Variants in SMIM22 observed in about 807,000 individuals in gnomAD.
SMIM22 encodes small integral membrane protein 22, also known as cancer associated small integral membrane open reading frame 1.
SMIM22 carries 16 observed loss-of-function variants against 8.4 expected under a neutral mutation model. The ratio of observed to expected loss-of-function variants is 1.90; its 90% confidence interval spans 1.29 to 2.89. SMIM22 has a LOEUF of 2.89. SMIM22 is among the 30% of genes most tolerant of loss of function. The pLI, the probability that SMIM22 is intolerant of heterozygous loss-of-function variation, is 0.00. For synonymous variants in SMIM22, 67 were observed against 47.6 expected (o/e 1.41, Z -1.68); for missense variants, 159 against 107.5 (o/e 1.48, Z -2.12).
upstream of SMIM22, among the ~76,000 whole-genome samples, chr16:4,794,498 A>C (rs2082601905): frequency 7.0e-6 from 1 of 143,378 alleles, no homozygotes; most frequent in Non-Finnish European, 1.5e-5. Flanking sequence ...TCGGCTCACC[A>C]CAACCTCTGC....
chr16:4,795,458 G>A lies in SMIM22; in HGVS notation c.-21+9G>A, dbSNP rs558517836. On this transcript the variant is annotated intron_variant, in intron 1 of 3. Transcript: ENST00000586005. ...TTGGAGGCTTCTAGGAGGTAGGTGGGGGCCTGGGGGCTGGGCTGCCAGGGG... is the reference window on the plus strand; with the variant it reads ...TTGGAGGCTTCTAGGAGGTAGGTGGAGGCCTGGGGGCTGGGCTGCCAGGGG... 3 of 477,836 alleles carry A rather than the reference G, an allele frequency of 6.3e-6. No homozygotes were observed. The South Asian group carries it at 7.0e-5, about 11-fold the overall frequency. The allele number at this position is 477,836 out of a possible 1,614,324, so 29.6% of individuals were successfully genotyped here. A position where few individuals can be genotyped will look rare whatever the true frequency, so the allele number is the denominator to read the frequency against.
rs768538006 is a variant in SMIM22 at position 4,795,788 on chromosome 16, A to G, written c.54A>G (p.Arg18=). The G allele has an allele frequency of 3.3e-6, 5 of 1,535,812 alleles. No homozygotes were observed. Among genetic ancestry groups the G allele is most frequent in the East Asian group, 2.4e-5 (1 of 40,912 alleles). ...CCACGGTTCAGGAAGTCCTGGGGAG[A>G]CTGAAGAGCCACCAGTTTTTCCAGT... ...LEATVQEVLG[R]LKSHQFFQST... is the part of the protein sequence containing the mutation. Residue 18 remains arginine, a synonymous_variant, in exon 2 of 4, where the codon AGA becomes AGG. Transcript: ENST00000586005.
Position 4,795,858 on chromosome 16 carries a change from G to C in SMIM22, c.124G>C (p.Gly42Arg). Residue 42 changes from glycine to arginine, a missense_variant and splice_region_variant, in exon 2 of 4, where the codon GGC becomes CGC. Coordinates refer to ENST00000586005, the MANE Select transcript of SMIM22 (RefSeq NM_001253794.2). ...VAFIVFLTFMGTVLLLLLLVV... is the reference protein window; with the variant it reads ...VAFIVFLTFMRTVLLLLLLVV... ...CTTCATTGTTTTCCTCACCTTCATG[G>C]GTAAGTGTGGCTGTGGCCTCTGGGT... 1 of 1,535,860 alleles carries C rather than the reference G, an allele frequency of 6.5e-7. No homozygotes were observed. The highest frequency in any genetic ancestry group is 8.7e-7 in the Non-Finnish European group (1 of 1,146,732).
upstream of SMIM22, among the ~76,000 whole-genome samples, chr16:4,792,158 A>G (rs1032540481): frequency 3.3e-5 from 5 of 152,092 alleles, no homozygotes; most frequent in Non-Finnish European, 7.4e-5. Context: ...CAGCCAGGCC[A>G]AGAGCTGGAG....
At chr16:4,788,612 G>A (rs528126272) in intron 1 of SMIM22, 10 of 152,290 alleles carry the variant, frequency 6.6e-5, no homozygotes, top group African/African-American at 2.2e-4. Flanking sequence ...GCTGGCTAGC[G>A]GGATATCCGT....
At chr16:4,794,307 C>T (rs1453105128), upstream of SMIM22, among the ~76,000 whole-genome samples, 2 of 151,930 alleles carry the variant, frequency 1.3e-5, no homozygotes, top group Non-Finnish European at 2.9e-5. Context: ...TGGGGTTTTA[C>T]CGTGTTACCC....
upstream of SMIM22, among the ~76,000 whole-genome samples, chr16:4,790,774 G>C (rs2082539166): frequency 6.6e-6 from 1 of 152,202 alleles, no homozygotes; most frequent in Non-Finnish European, 1.5e-5. Flanking sequence ...GGGCGACAGA[G>C]TAAGACCCTA....
upstream of SMIM22, among the ~76,000 whole-genome samples, chr16:4,793,608 T>G (rs561588668): frequency 1.3e-5 from 2 of 152,314 alleles, no homozygotes; most frequent in African/African-American, 4.8e-5. Flanking sequence ...CTAGTACAGC[T>G]GGCCTTCCGT....
chr16:4,790,768 G>A (rs1342861624), upstream of SMIM22, among the ~76,000 whole-genome samples: 1 of 152,154 alleles, frequency 6.6e-6, no homozygotes, highest in Non-Finnish European at 1.5e-5. Flanking sequence ...CAGCCTGGGC[G>A]ACAGAGTAAG....
At position 4,795,711 on chromosome 16, in the gene SMIM22, G is replaced by A. The variant is rs565631450; in HGVS notation, c.-20-4G>A. Reference sequence around the variant, plus strand: ...CTGATGCAGCCTCTGGGGGACCGGGGCAGGTGGCACGGTGCACGCCAAGAT... The same window carrying A: ...CTGATGCAGCCTCTGGGGGACCGGGACAGGTGGCACGGTGCACGCCAAGAT... On this transcript the variant is annotated splice_polypyrimidine_tract_variant and splice_region_variant and intron_variant, in intron 1 of 3. Coordinates refer to ENST00000586005, the MANE Select transcript of SMIM22 (RefSeq NM_001253794.2). 8.5e-5 allele frequency: 130 copies of A among 1,534,380 alleles called. 1 individual carries two copies. In the Middle Eastern group the frequency reaches 2.3e-3, roughly 27 times the overall value.
chr16:4,791,754 C>T (rs1433957333), upstream of SMIM22, among the ~76,000 whole-genome samples: 1 of 152,150 alleles, frequency 6.6e-6, no homozygotes, highest in African/African-American at 2.4e-5. Context: ...GTGGCGAGAT[C>T]TTGGCTCCCT....
At chr16:4,795,576 G>C (rs2082623656) in intron 1 of SMIM22, 127 bp downstream of exon 1, 4 of 1,074,450 alleles carry the variant, frequency 3.7e-6, no homozygotes, top group Non-Finnish European at 5.2e-6. Context: ...CTGGGGCCGA[G>C]GGAGAAGTGG....
Position 4,795,935 on chromosome 16 carries a change from G to A in SMIM22, c.125-13G>A. On this transcript the variant is annotated splice_polypyrimidine_tract_variant and intron_variant, in intron 2 of 3. Transcript: ENST00000586005. ...AGGTTGGGGCCACACCTGGACGCCT[G>A]TCCTGTCCCCAGGCACCGTGCTGCT... 1.3e-6 allele frequency: 2 copies of A among 1,518,576 alleles called. No individual in the cohort carries two copies. 94.1% of individuals were successfully genotyped at this position (1,518,576 alleles called of 1,614,324 possible).
chr16:4,789,613 C>A (rs1173788105), intron 2 of SMIM22, among the ~76,000 whole-genome samples: 1 of 152,074 alleles, frequency 6.6e-6, no homozygotes, highest in Non-Finnish European at 1.5e-5. Flanking sequence ...GGCGTTAGCC[C>A]CTGCGCCCAG....
intron 2 of SMIM22, among the ~76,000 whole-genome samples, chr16:4,789,419 G>C (rs1242216936): frequency 6.6e-6 from 1 of 151,560 alleles, no homozygotes; most frequent in Admixed American, 6.6e-5. Flanking sequence ...TCTGCCTCCC[G>C]GGTTCACGCC....
rs2082628044 is a variant in SMIM22, at chr16:4,795,718, G to A, written c.-17G>A. On this transcript the variant is annotated 5_prime_UTR_variant, in exon 2 of 4. Coordinates refer to ENST00000586005, the MANE Select transcript of SMIM22 (RefSeq NM_001253794.2). ...AGCCTCTGGGGGACCGGGGCAGGTG[G>A]CACGGTGCACGCCAAGATGGCTGTG... The A allele has an allele frequency of 6.5e-7, 1 of 1,534,802 alleles. No individual in the cohort carries two copies. The highest frequency in any genetic ancestry group is 8.7e-7 in the Non-Finnish European group (1 of 1,146,498).
Position 4,796,273 on chromosome 16 carries a change from C to A in SMIM22, c.*42C>A, listed in dbSNP as rs867167791. On this transcript the variant is annotated 3_prime_UTR_variant, in exon 4 of 4. Transcript: ENST00000586005. ...CGGTGGCAGTAACAAAGCCTTCTGT[C>A]TGCCCAGAGCCTGAGTCTGCAGTGT... 6.5e-7 allele frequency: 1 copy of A among 1,532,892 alleles called. No individual in the cohort carries two copies. Among genetic ancestry groups the A allele is most frequent in the Admixed American group, 2.0e-5 (1 of 50,796 alleles). 95.0% of individuals were successfully genotyped at this position (1,532,892 alleles called of 1,614,324 possible).
chr16:4,795,302 G>T, upstream of SMIM22: 1 of 176,480 alleles, frequency 5.7e-6, no homozygotes, highest in Non-Finnish European at 1.2e-5. Context: ...CTGGGCCTGG[G>T]CCCTCTCCCC....
upstream of SMIM22, among the ~76,000 whole-genome samples, chr16:4,791,164 C>T (rs951218127): frequency 3.3e-5 from 5 of 152,338 alleles, no homozygotes; most frequent in South Asian, 2.1e-4. Flanking sequence ...TTCTGAAAAT[C>T]GTGGCGGTGA....
Sources: allele counts gnomAD v4.1 joint callset (sites outside exome capture counted in the v4.1 genomes callset), GRCh38; gene constraint gnomAD v4.1.1; transcripts MANE v1.5; gene names NCBI Gene and HGNC (gene_info 2026-07-23, HGNC 2026-07-21).